Variants in FBN1 observed in about 807,000 individuals in gnomAD.
FBN1 encodes the protein fibrillin-1.
A neutral mutation model predicts 365.1 loss-of-function variants in FBN1; 29 were observed. That is an observed-to-expected ratio of 0.08 (90% CI 0.06 to 0.11). FBN1 has a LOEUF of 0.11. FBN1 is among the 10% of genes least tolerant of loss of function. FBN1 has a pLI of 1.00. For synonymous variants in FBN1, 1,210 were observed against 1,270.5 expected, an observed-to-expected ratio of 0.95 and a Z score of 1.01; for missense variants, 2,476 against 3,703.2, an observed-to-expected ratio of 0.67 and a Z score of 8.60.
intron 3 of FBN1, among the ~76,000 whole-genome samples, chr15:48,612,226 T>C (rs926050306): frequency 1.3e-5 from 2 of 152,168 alleles, no homozygotes; most frequent in Non-Finnish European, 2.9e-5. Context: ...TTGGCCAATA[T>C]AGTCTATTGA....
At chr15:48,627,760 T>G (rs947625155) in intron 2 of FBN1, among the ~76,000 whole-genome samples, 2 of 152,162 alleles carry the variant, frequency 1.3e-5, no homozygotes, top group African/African-American at 2.4e-5. Context: ...TTCCCTGAAA[T>G]CCAACCCGAA....
chr15:48,567,998 T>TAAGAAAGAAAGAAAGAAAGAAAGAAAGA lies in FBN1; in HGVS notation c.538+28257_538+28284dup, dbSNP rs55984910. On this transcript the variant is annotated intron_variant, in intron 6 of 65. Coordinates refer to ENST00000316623, the MANE Select transcript of FBN1 (RefSeq NM_000138.5). ...AAGAAAAGAAATTAAAGTATACAGA[T>TAAGAAAGAAAGAAAGAAAGAAAGAAAGA]AAGAAAGAAAGAAAGAAAGAAAGAA... 5.7e-4 allele frequency among the ~76,000 whole-genome samples: 32 copies of TAAGAAAGAAAGAAAGAAAGAAAGAAAGA among 56,526 alleles called. No individual in the cohort carries two copies. The East Asian group carries it at 8.3e-3, about 15-fold the overall frequency. The allele number at this position is 56,526 out of a possible 152,430, so 37.1% of individuals were successfully genotyped here. A position where few individuals can be genotyped will look rare whatever the true frequency, so the allele number is the denominator to read the frequency against.
chr15:48,412,490 C>A, intron 65 of FBN1, 79 bp downstream of exon 65: 1 of 1,485,170 alleles, frequency 6.7e-7, no homozygotes, highest in Non-Finnish European at 9.4e-7. Flanking sequence ...CACTTTGGAG[C>A]ATCCTTGGAG....
At chr15:48,552,347 A>T (rs1243848195) in intron 6 of FBN1, among the ~76,000 whole-genome samples, 2 of 150,266 alleles carry the variant, frequency 1.3e-5, no homozygotes, top group Non-Finnish European at 3.0e-5. Context: ...ATCACAGCTC[A>T]CTATATCCTC....
chr15:48,635,338 A>G (rs1890073134), intron 2 of FBN1, among the ~76,000 whole-genome samples: 1 of 152,232 alleles, frequency 6.6e-6, no homozygotes, highest in Admixed American at 6.5e-5. Context: ...GGTAGTCACA[A>G]GAAATTTAAA....
rs78759310 is a variant in FBN1, at chr15:48,556,339, C to T, written c.539-18531G>A. On this transcript the variant is annotated intron_variant, in intron 6 of 65. Transcript: ENST00000316623. ...GAAGGATTTAAGAACCAAGCTTCAA[C>T]CATGGCAGATTCGAAATCCAGCCAA... Among the ~76,000 whole-genome samples the T allele has an allele frequency of 0.016, 2,499 of 152,268 alleles. 197 individuals carry two copies. The East Asian group carries it at 0.24, about 14-fold the overall frequency.
In FBN1 at chr15:48,437,404, C is replaced by T. The variant is rs370991477; in HGVS notation, c.6314-17G>A. On this transcript the variant is annotated splice_polypyrimidine_tract_variant and intron_variant, in intron 51 of 65. Coordinates refer to ENST00000316623, the MANE Select transcript of FBN1 (RefSeq NM_000138.5). ...GGAAGGCCTCTGTGGTGGAGACACT[C>T]ATTAATAGATAGAACAATAGCAATT... 1.1e-5 allele frequency: 17 copies of T among 1,597,988 alleles called. No homozygotes were observed. The African/African-American group carries it at 1.9e-4, about 18-fold the overall frequency.
In FBN1 at chr15:48,465,854, C is replaced by T. The variant is rs542722087; in HGVS notation, c.4752G>A (p.Glu1584=). 1.9e-6 allele frequency: 3 copies of T among 1,611,966 alleles called. No individual in the cohort carries two copies. The highest frequency in any genetic ancestry group is 1.1e-5 in the South Asian group (1 of 91,010). The change falls in exon 39 of 66, where the codon GAG becomes GAA. Residue 1584 remains glutamate (E), a synonymous_variant. Coordinates refer to ENST00000316623, the MANE Select transcript of FBN1 (RefSeq NM_000138.5). ...CCCCTCCAGGACAAAGAATTTTGTA[C>T]TCGGCTATTGAAACAAAAATTCAAA... ...CEMCPAVNTS[E]YKILCPGGEG...
intron 6 of FBN1, among the ~76,000 whole-genome samples, chr15:48,571,824 CAG>C (rs2140672608): frequency 6.6e-6 from 1 of 151,926 alleles, no homozygotes; most frequent in Admixed American, 6.6e-5. Context: ...AACGAAATAA[CAG>C]AAAAAAATTA....
At chr15:48,480,096 T>A in intron 32 of FBN1, among the ~76,000 whole-genome samples, 1 of 152,162 alleles carries the variant, frequency 6.6e-6, no homozygotes, top group East Asian at 1.9e-4. Flanking sequence ...AGGCCTAAAA[T>A]AATCAGCCAC....
chr15:48,612,058 T>C (rs2044660849), intron 3 of FBN1, among the ~76,000 whole-genome samples: 1 of 152,250 alleles, frequency 6.6e-6, no homozygotes, highest in Admixed American at 6.5e-5. Flanking sequence ...AAGGGTTCTA[T>C]TATAAAGTTC....
chr15:48,543,505 A>G (rs2044074222), intron 6 of FBN1, among the ~76,000 whole-genome samples: 1 of 152,204 alleles, frequency 6.6e-6, no homozygotes, highest in South Asian at 2.1e-4. Context: ...TCTTGTCAAA[A>G]AGTGTCAAGG....
intron 31 of FBN1, 98 bp from the exon 32 acceptor site, chr15:48,481,878 G>T: frequency 8.1e-7 from 1 of 1,235,258 alleles, no homozygotes; most frequent in Non-Finnish European, 1.2e-6. Context: ...ATTAGAAAAG[G>T]TAAAATGCTT....
intron 18 of FBN1, 102 bp from the exon 19 acceptor site, chr15:48,497,493 T>C (rs2043618318): frequency 8.6e-7 from 1 of 1,158,602 alleles, no homozygotes; most frequent in Non-Finnish European, 1.3e-6. Flanking sequence ...CCTTAGGAGC[T>C]ACAGGAGGAA....
intron 6 of FBN1, among the ~76,000 whole-genome samples, chr15:48,570,608 TG>T (rs1198803938): frequency 6.6e-6 from 1 of 152,214 alleles, no homozygotes; most frequent in Non-Finnish European, 1.5e-5. Flanking sequence ...TTCCTGAATC[TG>T]TTGAACACTC....
At chr15:48,510,706 A>T (rs1051479106) in intron 13 of FBN1, among the ~76,000 whole-genome samples, 2 of 152,190 alleles carry the variant, frequency 1.3e-5, no homozygotes, top group Non-Finnish European at 2.9e-5. Flanking sequence ...TCTTTTAAAA[A>T]ACAACTTTAT....
rs772108557 is a variant in FBN1 at position 48,490,047 on chromosome 15, G to A, written c.2886C>T (p.Tyr962=). Residue 962 remains tyrosine (Y), a synonymous_variant, in exon 25 of 66, where the codon TAC becomes TAT. Transcript: ENST00000316623. The part of the protein sequence containing the change: ...DIRLETCFLR[Y]EDEECTLPIA... Reference sequence around the variant, plus strand: ...TAGGCAGGGTGCACTCCTCGTCCTCGTACCTCAGGAAGCAGGTTTCCAGGC... The same window carrying A: ...TAGGCAGGGTGCACTCCTCGTCCTCATACCTCAGGAAGCAGGTTTCCAGGC... 9.3e-6 allele frequency: 15 copies of A among 1,614,098 alleles called. No homozygotes were observed. Among genetic ancestry groups the A allele is most frequent in the South Asian group, 3.3e-5 (3 of 91,068 alleles).
At chr15:48,618,539 A>G (rs552668943) in intron 2 of FBN1, among the ~76,000 whole-genome samples, 5 of 152,300 alleles carry the variant, frequency 3.3e-5, no homozygotes, top group South Asian at 2.1e-4. Context: ...GCCAGTCACA[A>G]TGCAACCTGG....
At chr15:48,619,008 C>CA (rs1889715497) in intron 2 of FBN1, among the ~76,000 whole-genome samples, 1 of 152,086 alleles carries the variant, frequency 6.6e-6, no homozygotes, top group Admixed American at 6.5e-5. Context: ...TAATATATTA[C>CA]AATGTAATAA....
Sources: allele counts gnomAD v4.1 joint callset (sites outside exome capture counted in the v4.1 genomes callset), GRCh38; gene constraint gnomAD v4.1.1; transcripts MANE v1.5; gene names NCBI Gene and HGNC (gene_info 2026-07-23, HGNC 2026-07-21).